The following RABGAP1L variants were observed in gnomAD, a reference collection of about 807,000 sequenced individuals.
RABGAP1L encodes RAB GTPase activating protein 1 like, also known as rab GTPase-activating protein 1-like.
A neutral mutation model predicts 137.7 loss-of-function variants in RABGAP1L; 63 were observed. The observed-to-expected ratio is 0.46, with a 90% confidence interval of 0.37 to 0.56. The LOEUF (loss-of-function observed/expected upper bound fraction) is 0.56. Among genes scored for constraint, RABGAP1L ranks in the 20% least tolerant of loss-of-function variants. The pLI is 0.00. For missense variants in RABGAP1L, 1,095 were observed against 1,244.0 expected (o/e 0.88, Z 1.80); for synonymous variants, 431 against 433.7 (o/e 0.99, Z 0.08).
chr1:174,726,823 G>A (rs781022790), intron 17 of RABGAP1L, among the ~76,000 whole-genome samples: 7 of 152,206 alleles, frequency 4.6e-5, no homozygotes, highest in South Asian at 4.2e-4. Flanking sequence ...AGTGTGGCCC[G>A]TTTGAAACTT....
intron 18 of RABGAP1L, among the ~76,000 whole-genome samples, chr1:174,780,101 A>G: frequency 8.3e-6 from 1 of 119,816 alleles, no homozygotes; most frequent in South Asian, 2.7e-4. Flanking sequence ...TAAATAAATA[A>G]ATAAATAAAT....
intron 10 of RABGAP1L, among the ~76,000 whole-genome samples, chr1:174,289,485 T>A (rs1028950295): frequency 1.3e-5 from 2 of 152,260 alleles, no homozygotes; most frequent in Non-Finnish European, 2.9e-5. Flanking sequence ...TATCTTCATT[T>A]GTTTAGGGTC....
In RABGAP1L at chr1:174,989,897, AAAAACTCTTGGTTTAGC is replaced by A; in HGVS notation, c.3058_3074del (p.Ser1020ProfsTer84). 6.4e-7 allele frequency: 1 copy of A among 1,550,652 alleles called. No homozygotes were observed. The highest frequency in any genetic ancestry group is 8.7e-7 in the Non-Finnish European group (1 of 1,146,954). Reference sequence around the variant, plus strand: ...CCTTATGAATGAAATCCAAGCTGCGAAAAACTCTTGGTTTAGCAAAACCCTGAACTCTATCAAAACGG... The same window carrying A: ...CCTTATGAATGAAATCCAAGCTGCGAAAAACCCTGAACTCTATCAAAACGG... On this transcript the variant is annotated frameshift_variant, in exon 26 of 26. Transcript: ENST00000681986. LOFTEE classifies it high-confidence loss of function.
At chr1:174,580,240 A>G (rs1668635523) in intron 13 of RABGAP1L, among the ~76,000 whole-genome samples, 1 of 152,232 alleles carries the variant, frequency 6.6e-6, no homozygotes, top group African/African-American at 2.4e-5. Context: ...TCTGATAAAG[A>G]TTGAGTATTC....
intron 13 of RABGAP1L, among the ~76,000 whole-genome samples, chr1:174,584,620 A>G (rs1668981378): frequency 1.3e-5 from 2 of 152,198 alleles, no homozygotes; most frequent in Non-Finnish European, 1.5e-5. Context: ...CAAAAAATAT[A>G]TATATCATTC....
chr1:174,741,893 GC>G (rs1371866255), intron 17 of RABGAP1L, among the ~76,000 whole-genome samples: 4 of 138,764 alleles, frequency 2.9e-5, no homozygotes, highest in African/African-American at 5.7e-5. Flanking sequence ...AGAAAAATTA[GC>G]CAGGCATGGT....
At chr1:174,188,669 T>G (rs921883546) in intron 1 of RABGAP1L, among the ~76,000 whole-genome samples, 1 of 152,214 alleles carries the variant, frequency 6.6e-6, no homozygotes, top group Non-Finnish European at 1.5e-5. Flanking sequence ...CCGTTAGAAC[T>G]CTTGAGTGAC....
intron 11 of RABGAP1L, among the ~76,000 whole-genome samples, chr1:174,334,663 C>T (rs1476388604): frequency 6.6e-6 from 1 of 152,124 alleles, no homozygotes; most frequent in African/African-American, 2.4e-5. Flanking sequence ...ACCTGGAGCT[C>T]TTTTTTTCCA....
At chr1:174,241,152 T>A (rs905019450) in intron 4 of RABGAP1L, among the ~76,000 whole-genome samples, 3 of 152,054 alleles carry the variant, frequency 2.0e-5, no homozygotes, top group African/African-American at 7.2e-5. Context: ...AAACCCTGTC[T>A]CTACAAGAAA....
chr1:174,821,021 A>T (rs1198584176), intron 19 of RABGAP1L, among the ~76,000 whole-genome samples: 1 of 18,288 alleles, frequency 5.5e-5, no homozygotes, highest in Non-Finnish European at 3.4e-4. Flanking sequence ...CATCTCAAAA[A>T]GAAAAAAAAA....
chr1:174,300,486 G>T, intron 10 of RABGAP1L, among the ~76,000 whole-genome samples: 1 of 139,020 alleles, frequency 7.2e-6, no homozygotes, highest in East Asian at 2.1e-4. Context: ...CCGAGAATGT[G>T]CCATTGCACT....
chr1:174,589,775 A>C (rs1373855516), intron 13 of RABGAP1L, among the ~76,000 whole-genome samples: 1 of 152,118 alleles, frequency 6.6e-6, no homozygotes, highest in Non-Finnish European at 1.5e-5. Flanking sequence ...ATGTAGATGT[A>C]TGGATTTACT....
At chr1:174,645,429 C>T (rs1674886895) in intron 14 of RABGAP1L, among the ~76,000 whole-genome samples, 1 of 150,912 alleles carries the variant, frequency 6.6e-6, no homozygotes, top group East Asian at 1.9e-4. Context: ...TGATGTTCCC[C>T]TCCCTGTGCC....
intron 13 of RABGAP1L, among the ~76,000 whole-genome samples, chr1:174,470,265 T>C (rs1657762508): frequency 6.6e-6 from 1 of 152,178 alleles, no homozygotes; most frequent in South Asian, 2.1e-4. Context: ...ACTCTTACTT[T>C]CTAGCCCCTC....
intron 24 of RABGAP1L, among the ~76,000 whole-genome samples, chr1:174,984,478 C>T (rs1419171137): frequency 1.3e-5 from 2 of 152,144 alleles, no homozygotes; most frequent in Non-Finnish European, 2.9e-5. Context: ...TGGTGGCTCA[C>T]GCCTGTAATC....
chr1:174,673,046 A>G (rs41524947), intron 14 of RABGAP1L, among the ~76,000 whole-genome samples: 77 of 152,106 alleles, frequency 5.1e-4, no homozygotes, highest in African/African-American at 1.7e-3. Context: ...TCTTTATCCT[A>G]CTTCCAACCC....
chr1:174,961,490 C>A (rs1162810960), intron 20 of RABGAP1L, among the ~76,000 whole-genome samples: 1 of 152,094 alleles, frequency 6.6e-6, no homozygotes, highest in Non-Finnish European at 1.5e-5. Context: ...CTTTGGAGAA[C>A]GATATGCTTT....
At chr1:174,210,834 G>A (rs1054687259) in intron 1 of RABGAP1L, among the ~76,000 whole-genome samples, 6 of 152,126 alleles carry the variant, frequency 3.9e-5, no homozygotes, top group Non-Finnish European at 7.4e-5. Flanking sequence ...ATAAAGGAAG[G>A]ATCCTAAAAG....
At chr1:174,909,003 C>G (rs1386754133) in intron 19 of RABGAP1L, among the ~76,000 whole-genome samples, 3 of 68,308 alleles carry the variant, frequency 4.4e-5, no homozygotes, top group Non-Finnish European at 8.2e-5. Flanking sequence ...GAAACCCCAT[C>G]TCTACTAAAA....
Sources: gnomAD v4.1 joint callset for allele counts (sites outside exome capture counted in the v4.1 genomes callset) on GRCh38, gnomAD v4.1.1 for gene constraint, MANE v1.5 for transcripts, NCBI Gene and HGNC (gene_info 2026-07-23, HGNC 2026-07-21) for gene names.